The following NDRG3 variants were observed in gnomAD, a reference collection of about 807,000 sequenced individuals.
NDRG3 encodes the protein NDRG family member 3.
NDRG3 carries 23 observed loss-of-function variants against 57.2 expected under a neutral mutation model. That is an observed-to-expected ratio of 0.40 (90% CI 0.29 to 0.57). The LOEUF is 0.57. Ranked by LOEUF, NDRG3 falls within the 20% of genes least tolerant of loss-of-function variation. NDRG3 has a pLI of 0.42. For missense variants in NDRG3, 384 were observed against 457.3 expected (o/e 0.84, Z 1.46); for synonymous variants, 132 against 162.6 (o/e 0.81, Z 1.43).
At chr20:36,725,331 C>T (rs560022909) in intron 1 of NDRG3, among the ~76,000 whole-genome samples, 5 of 150,432 alleles carry the variant, frequency 3.3e-5, no homozygotes, top group South Asian at 2.1e-4. Flanking sequence ...GGAAATTGGC[C>T]GGGAATGGTG....
intron 9 of NDRG3, chr20:36,668,511 AT>A (rs1457310814): frequency 6.6e-6 from 1 of 152,210 alleles, no homozygotes; most frequent in Admixed American, 6.5e-5. Context: ...TAATACAAGC[AT>A]TAACTTGCTT....
intron 8 of NDRG3, among the ~76,000 whole-genome samples, chr20:36,678,569 TA>T (rs753198865): frequency 3.9e-5 from 6 of 152,126 alleles, no homozygotes; most frequent in Admixed American, 2.0e-4. Context: ...TGATCCCAGC[TA>T]CTCGGGAGGC....
intron 2 of NDRG3, among the ~76,000 whole-genome samples, chr20:36,708,838 A>G (rs989684574): frequency 6.6e-6 from 1 of 152,022 alleles, no homozygotes; most frequent in African/African-American, 2.4e-5. Context: ...TGGGAGTATG[A>G]GACCAGCCTG....
intron 2 of NDRG3, among the ~76,000 whole-genome samples, chr20:36,707,601 TA>T (rs1436879422): frequency 1.3e-5 from 2 of 152,106 alleles, no homozygotes; most frequent in Admixed American, 1.3e-4. Context: ...AAATCGCTGA[TA>T]GGGAAAAAGG....
At chr20:36,659,227 A>C (rs556596791) in intron 13 of NDRG3, among the ~76,000 whole-genome samples, 4 of 152,204 alleles carry the variant, frequency 2.6e-5, no homozygotes, top group Non-Finnish European at 4.4e-5. Flanking sequence ...GGTGTGAGCC[A>C]CTGCACCCAG....
At chr20:36,691,029 C>T (rs1002847915) in intron 3 of NDRG3, among the ~76,000 whole-genome samples, 5 of 152,228 alleles carry the variant, frequency 3.3e-5, no homozygotes, top group Admixed American at 1.3e-4. Flanking sequence ...ATTACCATTC[C>T]TATCCTAGCG....
chr20:36,660,313 A>G, intron 13 of NDRG3, 24 bp downstream of exon 13: 1 of 1,575,618 alleles, frequency 6.3e-7, no homozygotes, highest in African/African-American at 1.4e-5. Context: ...TAAGGGTTGG[A>G]AGTGAGGGAA....
chr20:36,655,810 A>G (rs1304271359), intron 15 of NDRG3, among the ~76,000 whole-genome samples: 2 of 152,120 alleles, frequency 1.3e-5, no homozygotes, highest in African/African-American at 2.4e-5. Flanking sequence ...TCTTCTATAA[A>G]TTGGCACTAA....
chr20:36,708,663 A>G (rs1276817422), intron 2 of NDRG3, among the ~76,000 whole-genome samples: 4 of 151,786 alleles, frequency 2.6e-5, no homozygotes, highest in South Asian at 2.1e-4. Context: ...AAAAAAAAAA[A>G]AAAGAAAAAG....
At chr20:36,701,637 T>G (rs1290667783) in intron 3 of NDRG3, among the ~76,000 whole-genome samples, 1 of 144,886 alleles carries the variant, frequency 6.9e-6, no homozygotes, top group Non-Finnish European at 1.5e-5. Context: ...AACCTCCGCC[T>G]CCTGGGTTCA....
chr20:36,672,361 C>G (rs1408173872), intron 8 of NDRG3, among the ~76,000 whole-genome samples: 1 of 152,172 alleles, frequency 6.6e-6, no homozygotes, highest in African/African-American at 2.4e-5. Context: ...TATGCTGAAC[C>G]TGTACTGCTG....
At chr20:36,699,484 G>A (rs775457600) in intron 3 of NDRG3, among the ~76,000 whole-genome samples, 8 of 152,142 alleles carry the variant, frequency 5.3e-5, no homozygotes, top group Non-Finnish European at 7.4e-5. Context: ...TAAAGAGAGC[G>A]TCCGACAACT....
At chr20:36,716,616 A>G (rs1369820076) in intron 2 of NDRG3, among the ~76,000 whole-genome samples, 3 of 152,090 alleles carry the variant, frequency 2.0e-5, no homozygotes, top group Non-Finnish European at 2.9e-5. Context: ...TCTCTCTACT[A>G]AACATTTATT....
intron 8 of NDRG3, among the ~76,000 whole-genome samples, chr20:36,678,020 A>C (rs1248793959): frequency 6.6e-6 from 1 of 152,208 alleles, no homozygotes; most frequent in Non-Finnish European, 1.5e-5. Context: ...GGGAGTGCTT[A>C]TATTTGTAAA....
chr20:36,659,808 C>G (rs1175331229), intron 13 of NDRG3, among the ~76,000 whole-genome samples: 6 of 151,564 alleles, frequency 4.0e-5, no homozygotes, highest in African/African-American at 1.5e-4. Context: ...ACCATATTGG[C>G]TAGGCTGGTC....
At chr20:36,666,527 C>A (rs989058471) in intron 9 of NDRG3, 135 bp from the exon 10 acceptor site, 5 of 649,640 alleles carry the variant, frequency 7.7e-6, no homozygotes, top group African/African-American at 7.2e-5. Context: ...CTGGGGACTA[C>A]TGATGTACTG....
At chr20:36,668,554 TA>T (rs1212425966) in intron 9 of NDRG3, 1 of 152,160 alleles carries the variant, frequency 6.6e-6, no homozygotes, top group Non-Finnish European at 1.5e-5. Flanking sequence ...TAATTTTTAT[TA>T]TCTTTTTGAC....
intron 2 of NDRG3, among the ~76,000 whole-genome samples, chr20:36,709,508 C>G (rs2148174125): frequency 6.6e-6 from 1 of 152,264 alleles, no homozygotes; most frequent in Non-Finnish European, 1.5e-5. Context: ...AAGTCTGATA[C>G]AGTCACAGTA....
chr20:36,663,636 G>A (rs1027095315), intron 12 of NDRG3, among the ~76,000 whole-genome samples: 5 of 152,048 alleles, frequency 3.3e-5, no homozygotes, highest in African/African-American at 1.2e-4. Context: ...ATACAGTGCT[G>A]GTGGCAATAT....
Sources: allele counts gnomAD v4.1 joint callset (sites outside exome capture counted in the v4.1 genomes callset), GRCh38; gene constraint gnomAD v4.1.1; transcripts MANE v1.5; gene names NCBI Gene and HGNC (gene_info 2026-07-23, HGNC 2026-07-21).